The following RAD51B variants were observed in gnomAD, a reference collection of about 807,000 sequenced individuals.
RAD51B encodes DNA repair protein RAD51 homolog 2.
Under a neutral mutation model 42.2 loss-of-function variants are expected in RAD51B, and 38 were observed. The ratio of observed to expected loss-of-function variants is 0.90; its 90% CI spans 0.70 to 1.18. The LOEUF is 1.18. Ranked by LOEUF, RAD51B falls within the 50% of genes most tolerant of loss-of-function variation. The pLI, the probability that RAD51B is intolerant of heterozygous loss-of-function variation, is 0.00. For missense variants in RAD51B, 373 were observed against 400.7 expected (o/e 0.93, Z 0.59); for synonymous variants, 154 against 145.2 (o/e 1.06, Z -0.43).
At chr14:68,491,388 G>A (rs1407312772) in intron 10 of RAD51B, among the ~76,000 whole-genome samples, 3 of 152,306 alleles carry the variant, frequency 2.0e-5, no homozygotes, top group East Asian at 1.9e-4. Flanking sequence ...GACCATTTAC[G>A]ATTTATAACT....
intron 7 of RAD51B, among the ~76,000 whole-genome samples, chr14:68,271,356 T>C (rs544249087): frequency 1.3e-5 from 2 of 152,338 alleles, no homozygotes; most frequent in Admixed American, 1.3e-4. Flanking sequence ...GATGAAAAGC[T>C]TGGGCTTTGG....
chr14:68,124,246 C>T (rs1037778111), intron 7 of RAD51B, among the ~76,000 whole-genome samples: 1 of 152,154 alleles, frequency 6.6e-6, no homozygotes, highest in African/African-American at 2.4e-5. Context: ...GCCTATTTTC[C>T]ATTCCTACCA....
At chr14:67,878,914 A>G (rs918881998) in intron 5 of RAD51B, among the ~76,000 whole-genome samples, 2 of 152,150 alleles carry the variant, frequency 1.3e-5, no homozygotes, top group Admixed American at 1.3e-4. Context: ...GGGTTTCGCC[A>G]TGTTGGCCAG....
At chr14:68,536,493 T>C (rs1028441618) in intron 10 of RAD51B, among the ~76,000 whole-genome samples, 1 of 152,244 alleles carries the variant, frequency 6.6e-6, no homozygotes, top group East Asian at 1.9e-4. Context: ...GAAGGATACC[T>C]TTCAGTACCA....
chr14:67,844,775 C>G (rs1335805379), intron 4 of RAD51B, among the ~76,000 whole-genome samples: 1 of 152,032 alleles, frequency 6.6e-6, no homozygotes, highest in African/African-American at 2.4e-5. Context: ...CCCGCTCCCC[C>G]CACCCCACAA....
intron 10 of RAD51B, among the ~76,000 whole-genome samples, chr14:68,547,072 T>G (rs1594961411): frequency 6.6e-6 from 1 of 152,196 alleles, no homozygotes; most frequent in South Asian, 2.1e-4. Flanking sequence ...CACCAGCAAA[T>G]CCAGCCTCTC....
Position 68,361,121 on chromosome 14 carries a change from A to T in RAD51B, c.854-50303A>T, listed in dbSNP as rs73274181. Among the ~76,000 whole-genome samples the T allele has an allele frequency of 9.0e-3, 1,364 of 152,194 alleles. 21 individuals carry two copies. Among genetic ancestry groups the T allele is most frequent in the African/African-American group, 0.032 (1,324 of 41,490 alleles). On this transcript the variant is annotated intron_variant, in intron 8 of 10. Transcript: ENST00000471583. ...GTTTCTGTGATTCCCTTTAGGGGAGATGGGAGACAAGGAGGGCAGGAGAAG... is the reference window on the plus strand; with the variant it reads ...GTTTCTGTGATTCCCTTTAGGGGAGTTGGGAGACAAGGAGGGCAGGAGAAG...
intron 11 of RAD51B, among the ~76,000 whole-genome samples, chr14:68,679,150 A>C (rs1280285711): frequency 6.6e-6 from 1 of 152,192 alleles, no homozygotes; most frequent in Non-Finnish European, 1.5e-5. Context: ...ACACGGTGGG[A>C]GGTGCAAAGG....
intron 7 of RAD51B, among the ~76,000 whole-genome samples, chr14:68,238,528 T>G (rs150015774): frequency 7.8e-4 from 118 of 152,196 alleles, no homozygotes; most frequent in African/African-American, 2.6e-3. Context: ...TGATCTCAAA[T>G]TCCTGCCCTC....
chr14:68,238,395 G>T (rs1295525361), intron 7 of RAD51B, among the ~76,000 whole-genome samples: 1 of 151,960 alleles, frequency 6.6e-6, no homozygotes, highest in Middle Eastern at 3.2e-3. Flanking sequence ...TGAACTTCTG[G>T]GCTCAAGCAG....
At chr14:68,594,581 A>T (rs758599032) in exon 11 of RAD51B, 7 of 1,302,258 alleles carry the variant, frequency 5.4e-6, no homozygotes, top group Non-Finnish European at 7.1e-6. Flanking sequence ...CAGATGTGCC[A>T]CCATACCCAG....
At chr14:68,503,330 C>T (rs1233822960) in intron 10 of RAD51B, among the ~76,000 whole-genome samples, 1 of 152,058 alleles carries the variant, frequency 6.6e-6, no homozygotes, top group Non-Finnish European at 1.5e-5. Flanking sequence ...CTGGTTTAAC[C>T]GGCTGACATT....
chr14:68,162,516 T>C (rs1363323688), intron 7 of RAD51B, among the ~76,000 whole-genome samples: 1 of 152,242 alleles, frequency 6.6e-6, no homozygotes, highest in South Asian at 2.1e-4. Context: ...CCGGGCGTAG[T>C]GGCTCACGCC....
downstream of RAD51B, among the ~76,000 whole-genome samples, chr14:68,598,865 G>A (rs1002384636): frequency 6.6e-6 from 1 of 152,322 alleles, no homozygotes; most frequent in Non-Finnish European, 1.5e-5. Flanking sequence ...GACTCAGTCT[G>A]TAGTAACTGG....
chr14:68,370,638 G>A (rs2083234334), intron 8 of RAD51B, among the ~76,000 whole-genome samples: 1 of 152,124 alleles, frequency 6.6e-6, no homozygotes, highest in Non-Finnish European at 1.5e-5. Context: ...AGATTATGGT[G>A]GCTCAGACTG....
intron 9 of RAD51B, among the ~76,000 whole-genome samples, chr14:68,443,570 G>A (rs980354681): frequency 1.6e-4 from 25 of 152,278 alleles, no homozygotes; most frequent in Middle Eastern, 3.4e-3. Flanking sequence ...TAATCAGAAA[G>A]CCAGGGAATC....
intron 8 of RAD51B, among the ~76,000 whole-genome samples, chr14:68,307,007 AT>A (rs374291766): frequency 0.012 from 1,002 of 86,534 alleles, 4 homozygotes; most frequent in African/African-American, 0.029. Context: ...GAAAATATTG[AT>A]TTTTTTTTTT....
chr14:68,438,315 T>G (rs894915697), intron 9 of RAD51B, among the ~76,000 whole-genome samples: 1 of 152,138 alleles, frequency 6.6e-6, no homozygotes, highest in African/African-American at 2.4e-5. Flanking sequence ...CCACAACATT[T>G]AAGCACAAAG....
intron 7 of RAD51B, among the ~76,000 whole-genome samples, chr14:68,042,732 T>C (rs540208844): frequency 2.0e-5 from 3 of 152,302 alleles, no homozygotes; most frequent in Middle Eastern, 6.8e-3. Context: ...GTATACACAA[T>C]AGAGAAGGTG....
Sources: gnomAD v4.1 joint callset for allele counts (sites outside exome capture counted in the v4.1 genomes callset) on GRCh38, gnomAD v4.1.1 for gene constraint, MANE v1.5 for transcripts, NCBI Gene and HGNC (gene_info 2026-07-23, HGNC 2026-07-21) for gene names.